The following ASIC2 variants were observed in gnomAD, a reference collection of about 807,000 sequenced individuals.
The protein encoded by ASIC2 is acid-sensing ion channel 2.
A neutral mutation model predicts 57.3 loss-of-function variants in ASIC2; 25 were observed. That is an observed-to-expected ratio of 0.44 (90% CI 0.32 to 0.61). The LOEUF is 0.61. Ranked by LOEUF, ASIC2 falls within the 20% of genes least tolerant of loss-of-function variation. The probability of loss-of-function intolerance (pLI) is 0.06; values close to 1 mark genes in which losing one functional copy is unlikely to be tolerated. For missense variants in ASIC2, 641 were observed against 738.1 expected (o/e 0.87, Z 1.52); for synonymous variants, 319 against 307.5 (o/e 1.04, Z -0.39).
chr17:33,794,610 A>G (rs1911862902), intron 1 of ASIC2: 1 of 152,194 alleles, frequency 6.6e-6, no homozygotes, highest in South Asian at 2.1e-4. Flanking sequence ...TCCAAAATTC[A>G]AAAATTTAGA....
intron 1 of ASIC2, among the ~76,000 whole-genome samples, chr17:34,091,952 GA>G (rs1429251524): frequency 3.3e-5 from 5 of 152,314 alleles, no homozygotes; most frequent in Non-Finnish European, 4.4e-5. Context: ...TTATATGGAT[GA>G]AAAGGGAAGA....
chr17:33,189,123 C>G (rs2142066328), intron 1 of ASIC2, among the ~76,000 whole-genome samples: 1 of 152,182 alleles, frequency 6.6e-6, no homozygotes, highest in Middle Eastern at 3.4e-3. Flanking sequence ...GGAGTGCTCC[C>G]TGGGGATATC....
chr17:34,088,957 G>T (rs575706990), intron 1 of ASIC2, among the ~76,000 whole-genome samples: 1 of 152,312 alleles, frequency 6.6e-6, no homozygotes, highest in East Asian at 1.9e-4. Context: ...TCTTTGACTA[G>T]GAAAGGGAAC....
At chr17:33,017,329 T>C (rs1290816862) in intron 8 of ASIC2, among the ~76,000 whole-genome samples, 6 of 152,100 alleles carry the variant, frequency 3.9e-5, no homozygotes, top group Non-Finnish European at 7.4e-5. Flanking sequence ...CCCTCATCCC[T>C]CCCCATCCTT....
At chr17:33,831,106 CAAAAAAAAAAAAAAAAAAAAA>C (rs56841196) in intron 1 of ASIC2, among the ~76,000 whole-genome samples, 2 of 22,936 alleles carry the variant, frequency 8.7e-5, no homozygotes, top group Non-Finnish European at 1.4e-4. Context: ...AAGGCTCTGT[CAAAAAAAAAAAAAAAAAAAAA>C]AAAAAAAAAA....
intron 1 of ASIC2, among the ~76,000 whole-genome samples, chr17:33,154,413 G>A (rs1904916543): frequency 6.6e-6 from 1 of 152,156 alleles, no homozygotes; most frequent in Non-Finnish European, 1.5e-5. Context: ...TTGGTAGCAG[G>A]GCATTTGCCA....
chr17:33,960,505 T>G (rs773814239), intron 1 of ASIC2, among the ~76,000 whole-genome samples: 1 of 152,184 alleles, frequency 6.6e-6, no homozygotes, highest in Admixed American at 6.5e-5. Context: ...AACTGTGAGC[T>G]CTGTTAAAAC....
At chr17:33,230,925 T>A (rs887843664) in intron 1 of ASIC2, among the ~76,000 whole-genome samples, 1 of 152,180 alleles carries the variant, frequency 6.6e-6, no homozygotes, top group Non-Finnish European at 1.5e-5. Flanking sequence ...AATTATTGAT[T>A]TAAAAATTAT....
At chr17:33,713,138 G>T (rs1191323348) in intron 1 of ASIC2, among the ~76,000 whole-genome samples, 1 of 152,196 alleles carries the variant, frequency 6.6e-6, no homozygotes, top group Non-Finnish European at 1.5e-5. Context: ...TTAGGAACAG[G>T]TCACTAGGAC....
At chr17:33,984,619 G>T (rs901346235) in intron 1 of ASIC2, among the ~76,000 whole-genome samples, 1 of 152,144 alleles carries the variant, frequency 6.6e-6, no homozygotes, top group African/African-American at 2.4e-5. Flanking sequence ...CTTCACAATT[G>T]GGGGAAAGAG....
intron 1 of ASIC2, among the ~76,000 whole-genome samples, chr17:33,117,271 C>T (rs1021712894): frequency 2.0e-5 from 3 of 152,112 alleles, no homozygotes; most frequent in East Asian, 1.9e-4. Flanking sequence ...CTCCTGGGGT[C>T]GAGCGATTCT....
At chr17:33,578,231 T>G (rs758021527) in intron 1 of ASIC2, among the ~76,000 whole-genome samples, 4 of 152,208 alleles carry the variant, frequency 2.6e-5, no homozygotes, top group Non-Finnish European at 5.9e-5. Flanking sequence ...ACGTTCTGAA[T>G]GCCCTTAGAA....
At chr17:33,282,524 GAGTGT>G (rs746941661) in intron 1 of ASIC2, among the ~76,000 whole-genome samples, 64 of 152,052 alleles carry the variant, frequency 4.2e-4, no homozygotes, top group Middle Eastern at 3.4e-3. Context: ...GTCCAGGCTG[GAGTGT>G]AGTGGTACAA....
At chr17:34,137,942 T>C (rs1912169121) in intron 1 of ASIC2, among the ~76,000 whole-genome samples, 1 of 152,118 alleles carries the variant, frequency 6.6e-6, no homozygotes, top group Admixed American at 6.5e-5. Context: ...GATTTTAAAA[T>C]ATGAATTTAG....
chr17:33,840,962 A>G (rs541344885), intron 1 of ASIC2, among the ~76,000 whole-genome samples: 2 of 152,334 alleles, frequency 1.3e-5, no homozygotes, highest in Non-Finnish European at 2.9e-5. Context: ...ATATATTTAA[A>G]GGTTCCAGAG....
chr17:33,330,964 C>T (rs945507880), intron 1 of ASIC2, among the ~76,000 whole-genome samples: 1 of 152,082 alleles, frequency 6.6e-6, no homozygotes, highest in African/African-American at 2.4e-5. Flanking sequence ...ATCCCTTAGA[C>T]CAGGGGTCCC....
At chr17:34,028,024 T>G (rs537677884) in intron 1 of ASIC2, among the ~76,000 whole-genome samples, 1 of 152,284 alleles carries the variant, frequency 6.6e-6, no homozygotes, top group South Asian at 2.1e-4. Flanking sequence ...ATATTCCACA[T>G]ATATGAGGAA....
intron 1 of ASIC2, among the ~76,000 whole-genome samples, chr17:33,380,018 G>A (rs1909423154): frequency 6.6e-6 from 1 of 152,054 alleles, no homozygotes; most frequent in Non-Finnish European, 1.5e-5. Flanking sequence ...GGCTGAGGTG[G>A]GCAGATCACT....
chr17:33,816,396 T>C (rs1912582747), intron 1 of ASIC2, among the ~76,000 whole-genome samples: 1 of 152,230 alleles, frequency 6.6e-6, no homozygotes, highest in Non-Finnish European at 1.5e-5. Flanking sequence ...ATGTCCATCA[T>C]GAGCTGATAT....
Sources: gnomAD v4.1 joint callset for allele counts (sites outside exome capture counted in the v4.1 genomes callset) on GRCh38, gnomAD v4.1.1 for gene constraint, MANE v1.5 for transcripts, NCBI Gene and HGNC (gene_info 2026-07-23, HGNC 2026-07-21) for gene names.